Variants in IPO8 observed in about 807,000 individuals in gnomAD.
IPO8 encodes importin 8.
In IPO8, 65 loss-of-function variants were observed where a neutral mutation model predicts 141.2. The ratio of observed to expected loss-of-function variants is 0.46; its 90% CI spans 0.38 to 0.57. IPO8 has a LOEUF of 0.57. IPO8 is among the 20% of genes least tolerant of loss of function. IPO8 has a pLI of 0.00. For missense variants in IPO8, 980 were observed against 1,246.8 expected (o/e 0.79, Z 3.22); for synonymous variants, 411 against 420.3 (o/e 0.98, Z 0.27).
rs1441502035 is a variant in IPO8 at position 30,656,708 on chromosome 12, G to A, written c.1924C>T (p.Leu642Phe). ...LENICLRIIDLVLQKHVIEFY... is the reference protein window; with the variant it reads ...LENICLRIIDFVLQKHVIEFY... ...CCAATTACATGTTTCTGCAGAACAAGATCAATGATCCGTAGACAGATATTC... is the reference window on the plus strand; with the variant it reads ...CCAATTACATGTTTCTGCAGAACAAAATCAATGATCCGTAGACAGATATTC... The change falls in exon 17 of 25, where the codon CTT becomes TTT. Residue 642 changes from leucine to phenylalanine, a missense_variant. Coordinates refer to ENST00000256079, the MANE Select transcript of IPO8 (RefSeq NM_006390.4). 4.5e-6 allele frequency: 7 copies of A among 1,560,660 alleles called. No individual in the cohort carries two copies. The highest frequency in any genetic ancestry group is 6.1e-6 in the Non-Finnish European group (7 of 1,146,540).
intron 8 of IPO8, among the ~76,000 whole-genome samples, chr12:30,673,208 G>C (rs902293038): frequency 6.6e-6 from 1 of 151,978 alleles, no homozygotes; most frequent in Admixed American, 6.5e-5. Context: ...GCAGTGAGCC[G>C]AGATTGTGCC....
chr12:30,662,651 A>C (rs1197039684), intron 14 of IPO8, 164 bp from the exon 15 acceptor site: 1 of 653,274 alleles, frequency 1.5e-6, no homozygotes, highest in Non-Finnish European at 2.7e-6. Flanking sequence ...AATAATGTTC[A>C]CCAATATATC....
chr12:30,665,409 T>TA (rs1378370501), intron 12 of IPO8, 100 bp from the exon 13 acceptor site: 1 of 736,960 alleles, frequency 1.4e-6, no homozygotes, highest in Non-Finnish European at 2.4e-6. Context: ...AATATACTTC[T>TA]AATTTTGTAA....
At chr12:30,666,123 A>G (rs1591835704) in intron 11 of IPO8, 52 bp downstream of exon 11, 9 of 1,140,136 alleles carry the variant, frequency 7.9e-6, no homozygotes, top group African/African-American at 1.6e-5. Context: ...TAGAGTATCA[A>G]CTCAACACAG....
intron 20 of IPO8, among the ~76,000 whole-genome samples, chr12:30,644,810 G>A (rs1455462453): frequency 6.6e-6 from 1 of 151,702 alleles, no homozygotes; most frequent in African/African-American, 2.4e-5. Flanking sequence ...ATGCCATCAT[G>A]CCCAGGTGAT....
intron 8 of IPO8, among the ~76,000 whole-genome samples, chr12:30,671,468 A>T (rs1368235151): frequency 2.6e-5 from 4 of 151,888 alleles, no homozygotes; most frequent in Non-Finnish European, 5.9e-5. Context: ...GGTCAGGAGA[A>T]CGAGAGCATC....
At chr12:30,649,923 T>A (rs537163916) in intron 19 of IPO8, among the ~76,000 whole-genome samples, 1 of 152,074 alleles carries the variant, frequency 6.6e-6, no homozygotes, top group African/African-American at 2.4e-5. Context: ...AATAAATTAA[T>A]GATTCAAATA....
At chr12:30,650,625 G>C (rs2052713361) in intron 19 of IPO8, among the ~76,000 whole-genome samples, 2 of 151,934 alleles carry the variant, frequency 1.3e-5, no homozygotes, top group Admixed American at 6.6e-5. Flanking sequence ...TCTATAAAAT[G>C]GGAATAAAAG....
chr12:30,659,045 T>C (rs2052843961), intron 16 of IPO8, among the ~76,000 whole-genome samples: 1 of 151,420 alleles, frequency 6.6e-6, no homozygotes, highest in African/African-American at 2.4e-5. Context: ...CACGCCAGGC[T>C]AATTTTTTGT....
chr12:30,661,467 A>G (rs1232834772), intron 15 of IPO8, among the ~76,000 whole-genome samples: 2 of 152,178 alleles, frequency 1.3e-5, no homozygotes, highest in Admixed American at 1.3e-4. Flanking sequence ...TACATTAACT[A>G]TTATATCCAG....
intron 9 of IPO8, 108 bp from the exon 10 acceptor site, chr12:30,669,390 ACT>A (rs2053016476): frequency 3.8e-6 from 2 of 519,768 alleles, no homozygotes; most frequent in Non-Finnish European, 6.7e-6. Context: ...AGTTTTCCAA[ACT>A]CTGTGTGTGT....
At chr12:30,684,248 A>C (rs2053217221) in intron 3 of IPO8, 53 bp downstream of exon 3, 5 of 1,534,386 alleles carry the variant, frequency 3.3e-6, no homozygotes, top group Non-Finnish European at 4.5e-6. Flanking sequence ...ACCCACCCTC[A>C]GATCTAACCA....
intron 7 of IPO8, 47 bp downstream of exon 7, chr12:30,674,612 C>T (rs1015894733): frequency 1.1e-5 from 15 of 1,316,858 alleles, no homozygotes; most frequent in Non-Finnish European, 1.6e-5. Flanking sequence ...ATATCTGATA[C>T]TGAGATACTG....
chr12:30,695,436 G>C lies in IPO8; in HGVS notation c.84+128C>G. On this transcript the variant is annotated intron_variant, in intron 1 of 24. Coordinates refer to ENST00000256079, the MANE Select transcript of IPO8 (RefSeq NM_006390.4). The surrounding 1 kb of genome is among the most constrained non-coding windows in gnomAD (Gnocchi z 4.2). ...GGGGGGCAGCGGGGTCGGAGAGCGG[G>C]ACCAGCCGTGAGGCGTCAGCCCCAG... 2.7e-6 allele frequency: 2 copies of C among 734,074 alleles called. No individual in the cohort carries two copies. The highest frequency in any genetic ancestry group is 2.6e-5 in the Admixed American group (1 of 38,404). The allele number at this position is 734,074 out of a possible 1,614,324, so 45.5% of individuals were successfully genotyped here.
intron 3 of IPO8, among the ~76,000 whole-genome samples, chr12:30,683,429 C>A (rs1260100167): frequency 1.3e-5 from 2 of 152,174 alleles, no homozygotes; most frequent in Non-Finnish European, 2.9e-5. Context: ...TATTCAACCT[C>A]TTGATATTAA....
At chr12:30,678,132 A>T (rs957167368) in intron 5 of IPO8, among the ~76,000 whole-genome samples, 9 of 152,120 alleles carry the variant, frequency 5.9e-5, no homozygotes, top group Non-Finnish European at 1.0e-4. Context: ...CTCAAAAAAA[A>T]AAAAAAAAAA....
chr12:30,661,306 C>G (rs2052883872), intron 15 of IPO8, 40 bp from the exon 16 acceptor site: 1 of 1,514,976 alleles, frequency 6.6e-7, no homozygotes, highest in Non-Finnish European at 8.8e-7. Flanking sequence ...ATTAGTAGTA[C>G]TGTTACGTCC....
chr12:30,678,541 TCA>T (rs982232770), intron 5 of IPO8, among the ~76,000 whole-genome samples: 2 of 152,248 alleles, frequency 1.3e-5, no homozygotes, highest in East Asian at 1.9e-4. Context: ...TCTACAATGT[TCA>T]CAGAGGGACA....
chr12:30,669,038 T>A (rs1243819573), intron 10 of IPO8, 145 bp downstream of exon 10: 4 of 498,354 alleles, frequency 8.0e-6, no homozygotes, highest in Non-Finnish European at 1.4e-5. Context: ...CAAAATAACA[T>A]CAAACTCTCA....
Sources: gnomAD v4.1 joint callset for allele counts (sites outside exome capture counted in the v4.1 genomes callset) on GRCh38, gnomAD v4.1.1 for gene constraint, Gnocchi (gnomAD v3.1) non-coding constraint, MANE v1.5 for transcripts, NCBI Gene and HGNC (gene_info 2026-07-23, HGNC 2026-07-21) for gene names.